Variants in MUSK observed in about 807,000 individuals in gnomAD.
The protein encoded by MUSK is muscle, skeletal receptor tyrosine-protein kinase.
Under a neutral mutation model 88.7 loss-of-function variants are expected in MUSK, and 55 were observed. That is an observed-to-expected ratio of 0.62 (90% CI 0.50 to 0.78). The LOEUF is 0.78. Ranked by LOEUF, MUSK falls within the 30% of genes least tolerant of loss-of-function variation. The pLI is 0.00. For synonymous variants in MUSK, 387 were observed against 391.9 expected (o/e 0.99, Z 0.15); for missense variants, 1,015 against 1,074.3 (o/e 0.94, Z 0.77).
Position 110,804,685 on chromosome 9 carries a change from TTTAC to T in MUSK, c.*3701_*3704del, listed in dbSNP as rs57497674. 0.18 allele frequency among the ~76,000 whole-genome samples: 27,045 copies of T among 151,698 alleles called. 2,869 individuals are homozygous for T. Among genetic ancestry groups the T allele is most frequent in the East Asian group, 0.3 (1,544 of 5,152 alleles). ...CTACTTACTTTACCTTAAAATAACATTTACTTATTTTCTTATAAAAGTAATATAT... is the reference window on the plus strand; with the variant it reads ...CTACTTACTTTACCTTAAAATAACATTTATTTTCTTATAAAAGTAATATAT... On this transcript the variant is annotated 3_prime_UTR_variant, in exon 15 of 15. Coordinates refer to ENST00000374448, the MANE Select transcript of MUSK (RefSeq NM_005592.4).
intron 5 of MUSK, among the ~76,000 whole-genome samples, chr9:110,708,930 T>G (rs1221952138): frequency 6.6e-6 from 1 of 152,172 alleles, no homozygotes; most frequent in Non-Finnish European, 1.5e-5. Flanking sequence ...ATACATATAC[T>G]CTAATTGGAG....
intron 9 of MUSK, among the ~76,000 whole-genome samples, chr9:110,768,392 A>G (rs567952431): frequency 2.3e-4 from 35 of 152,280 alleles, no homozygotes; most frequent in African/African-American, 7.2e-4. Flanking sequence ...GCTACTCGGG[A>G]GGCTGAGGCA....
intron 5 of MUSK, among the ~76,000 whole-genome samples, chr9:110,707,027 G>A (rs898210560): frequency 3.6e-5 from 5 of 137,482 alleles, no homozygotes; most frequent in African/African-American, 5.3e-5. Flanking sequence ...GAGAGAGAGA[G>A]AAACAAATAA....
At position 110,681,008 on chromosome 9, in the gene MUSK, A is replaced by ATATATATTATATATTATATAT. The variant is rs2076103692; in HGVS notation, c.80-1660_80-1659insTTATATATTATATATTATATA. Among the ~76,000 whole-genome samples the ATATATATTATATATTATATAT allele has an allele frequency of 8.0e-5, 3 of 37,370 alleles. 1 individual carries two copies. Among genetic ancestry groups the ATATATATTATATATTATATAT allele is most frequent in the Non-Finnish European group, 1.4e-4 (3 of 21,892 alleles). 24.5% of individuals were successfully genotyped at this position (37,370 alleles called of 152,430 possible). A position where few individuals can be genotyped will look rare whatever the true frequency, so the allele number is the denominator to read the frequency against. On this transcript the variant is annotated intron_variant, in intron 1 of 14. Coordinates refer to ENST00000374448, the MANE Select transcript of MUSK (RefSeq NM_005592.4). ...AATGATCCTTATAATATATTATATT[A>ATATATATTATATATTATATAT]TATATAATATATATTATATATTATA... is the stretch of plus-strand genomic sequence containing the variant.
chr9:110,777,589 G>A (rs188505939), intron 11 of MUSK, among the ~76,000 whole-genome samples: 1 of 152,104 alleles, frequency 6.6e-6, no homozygotes, highest in African/African-American at 2.4e-5. Context: ...TCAATTCTTT[G>A]TTATATGAGC....
At chr9:110,677,584 CT>C (rs1350002934) in intron 1 of MUSK, among the ~76,000 whole-genome samples, 1 of 152,176 alleles carries the variant, frequency 6.6e-6, no homozygotes, top group Admixed American at 6.5e-5. Context: ...TTCTAATTGG[CT>C]TAGGGCACCA....
At chr9:110,671,437 T>C (rs187712395) in intron 1 of MUSK, among the ~76,000 whole-genome samples, 4 of 152,328 alleles carry the variant, frequency 2.6e-5, no homozygotes, top group Admixed American at 2.6e-4. Flanking sequence ...AATTGTACAA[T>C]ATGTATTAGC....
At chr9:110,680,004 GT>G (rs1477165110) in intron 1 of MUSK, among the ~76,000 whole-genome samples, 1 of 151,928 alleles carries the variant, frequency 6.6e-6, no homozygotes, top group Non-Finnish European at 1.5e-5. Context: ...TTATGCTATT[GT>G]TTTTTATAAC....
Position 110,805,310 on chromosome 9 carries a change from A to G in MUSK, c.*4322A>G, listed in dbSNP as rs1422824705. ...ATTAACATGTACCTCTCCTAGTCAG[A>G]TAAGACAGCCCATTTATTTCAGTCT... On this transcript the variant is annotated 3_prime_UTR_variant, in exon 15 of 15. Coordinates refer to ENST00000374448, the MANE Select transcript of MUSK (RefSeq NM_005592.4). Among the ~76,000 whole-genome samples, 9 of 151,966 alleles carry G rather than the reference A, an allele frequency of 5.9e-5. No individual in the cohort carries two copies. The highest frequency in any genetic ancestry group is 2.2e-4 in the African/African-American group (9 of 41,452).
intron 9 of MUSK, among the ~76,000 whole-genome samples, chr9:110,772,827 T>G (rs561677569): frequency 6.6e-6 from 1 of 152,256 alleles, no homozygotes; most frequent in African/African-American, 2.4e-5. Context: ...TCTTCATTTT[T>G]TTGTTATATC....
At position 110,800,778 on chromosome 9, in the gene MUSK, G is replaced by A. The variant is rs1339967562; in HGVS notation, c.2400G>A (p.Leu800=). 1.2e-6 allele frequency: 2 copies of A among 1,613,974 alleles called. No homozygotes were observed. Among genetic ancestry groups the A allele is most frequent in the Admixed American group, 3.3e-5 (2 of 60,024 alleles). The change falls in exon 15 of 15, where the codon CTG becomes CTA. Residue 800 remains leucine, a synonymous_variant. Transcript: ENST00000374448. ...VVLWEIFSYG[L]QPYYGMAHEE... ...TCTGGGAGATCTTCTCCTATGGCCT[G>A]CAGCCCTACTATGGGATGGCCCATG...
In MUSK at chr9:110,735,431, G is replaced by A. The variant is rs527727014; in HGVS notation, c.753+1056G>A. On this transcript the variant is annotated intron_variant, in intron 6 of 14. Coordinates refer to ENST00000374448, the MANE Select transcript of MUSK (RefSeq NM_005592.4). ...TGCAACAACATGGATGGAACCGCAG[G>A]ACATTATGTTAAGTGAAATAAACCA... 7.2e-5 allele frequency among the ~76,000 whole-genome samples: 11 copies of A among 152,202 alleles called. No homozygotes were observed. In the South Asian group the frequency reaches 1.9e-3, roughly 26 times the overall value.
intron 1 of MUSK, among the ~76,000 whole-genome samples, chr9:110,681,410 T>A (rs887847888): frequency 6.6e-6 from 1 of 151,534 alleles, no homozygotes; most frequent in African/African-American, 2.4e-5. Context: ...GGGAATTAAA[T>A]GATGTCTAAA....
chr9:110,767,382 TAAAC>T (rs1288193845), intron 8 of MUSK, among the ~76,000 whole-genome samples: 11 of 152,224 alleles, frequency 7.2e-5, no homozygotes, highest in Admixed American at 5.2e-4. Flanking sequence ...AACACATAAA[TAAAC>T]TATGTTCCTA....
At chr9:110,678,477 C>A (rs2076058983) in intron 1 of MUSK, among the ~76,000 whole-genome samples, 2 of 146,146 alleles carry the variant, frequency 1.4e-5, no homozygotes, top group African/African-American at 5.2e-5. Flanking sequence ...AGACTTAATT[C>A]TTTCTTAAGA....
chr9:110,720,602 A>C (rs188831281), intron 5 of MUSK, among the ~76,000 whole-genome samples: 175 of 152,198 alleles, frequency 1.1e-3, no homozygotes, highest in African/African-American at 4.0e-3. Context: ...GGTAATTTTA[A>C]AATTGCCAAG....
intron 11 of MUSK, among the ~76,000 whole-genome samples, chr9:110,778,674 T>G (rs538196629): frequency 3.9e-5 from 6 of 152,150 alleles, no homozygotes; most frequent in Non-Finnish European, 8.8e-5. Flanking sequence ...TCTAGTAAGG[T>G]GATAAGCCAG....
intron 3 of MUSK, among the ~76,000 whole-genome samples, chr9:110,689,138 A>C (rs1342104971): frequency 3.8e-5 from 5 of 131,984 alleles, no homozygotes; most frequent in Non-Finnish European, 6.2e-5. Flanking sequence ...CTACATAAAT[A>C]AACTATATAT....
chr9:110,684,156 T>C (rs968921931), intron 2 of MUSK, among the ~76,000 whole-genome samples: 1 of 152,146 alleles, frequency 6.6e-6, no homozygotes, highest in Admixed American at 6.6e-5. Context: ...TTGATTTTTG[T>C]ATATGGAGAG....
Sources: allele counts gnomAD v4.1 joint callset (sites outside exome capture counted in the v4.1 genomes callset), GRCh38; gene constraint gnomAD v4.1.1; transcripts MANE v1.5; gene names NCBI Gene and HGNC (gene_info 2026-07-23, HGNC 2026-07-21).